The following SLC35F3 variants were observed in gnomAD, a reference collection of about 807,000 sequenced individuals.
SLC35F3 encodes putative thiamine transporter SLC35F3.
SLC35F3 carries 25 observed loss-of-function variants against 49.9 expected under a neutral mutation model. That is an observed-to-expected ratio of 0.50 (90% confidence interval 0.37 to 0.70). The LOEUF (loss-of-function observed/expected upper bound fraction) is 0.70, where lower values mean the gene tolerates loss of function less well. Ranked by LOEUF, SLC35F3 falls within the 30% of genes least tolerant of loss-of-function variation. SLC35F3 has a pLI of 0.00. For synonymous variants in SLC35F3, 275 were observed against 265.4 expected (o/e 1.04, Z -0.35); for missense variants, 525 against 639.8 (o/e 0.82, Z 1.94).
chr1:234,154,635 A>G (rs537022736), intron 2 of SLC35F3, among the ~76,000 whole-genome samples: 8 of 152,216 alleles, frequency 5.3e-5, no homozygotes, highest in South Asian at 4.1e-4. Flanking sequence ...CCTTCCCCCA[A>G]TAGTTTAAAT....
chr1:234,095,741 T>C (rs1665107739), intron 2 of SLC35F3, among the ~76,000 whole-genome samples: 1 of 152,200 alleles, frequency 6.6e-6, no homozygotes. Flanking sequence ...ACTTACTTGC[T>C]GGGGGAACTT....
intron 2 of SLC35F3, among the ~76,000 whole-genome samples, chr1:234,062,667 C>T (rs1408216035): frequency 6.6e-6 from 1 of 151,746 alleles, no homozygotes; most frequent in African/African-American, 2.4e-5. Context: ...TCTTTTCTTT[C>T]ATCCATGAGC....
At chr1:233,949,147 C>G (rs963517520) in intron 2 of SLC35F3, among the ~76,000 whole-genome samples, 8 of 152,052 alleles carry the variant, frequency 5.3e-5, no homozygotes, top group African/African-American at 1.7e-4. Context: ...CTTGTTCTCC[C>G]GTAATCTCAC....
At chr1:234,028,193 G>A (rs1411674447) in intron 2 of SLC35F3, among the ~76,000 whole-genome samples, 2 of 152,118 alleles carry the variant, frequency 1.3e-5, no homozygotes, top group Admixed American at 6.6e-5. Flanking sequence ...AGGCTCCAGG[G>A]CCCATCTTCC....
Position 234,188,968 on chromosome 1 carries a change from G to A in SLC35F3, c.284-42449G>A, listed in dbSNP as rs141335570. ...AGAGAAATAACAATTACTACCGTTCGGCTCTCAGGAAGCCACATCCCTAGG... is the reference window on the plus strand; with the variant it reads ...AGAGAAATAACAATTACTACCGTTCAGCTCTCAGGAAGCCACATCCCTAGG... On this transcript the variant is annotated intron_variant, in intron 2 of 7. Transcript: ENST00000366618. Among the ~76,000 whole-genome samples, 1,025 of 152,120 alleles carry A rather than the reference G, an allele frequency of 6.7e-3. 10 individuals carry two copies. Among genetic ancestry groups the A allele is most frequent in the South Asian group, 0.04 (192 of 4,808 alleles).
rs1664002867 is a variant in SLC35F3 at position 234,027,998 on chromosome 1, T to G, written c.283+122240T>G. On this transcript the variant is annotated intron_variant, in intron 2 of 7. Coordinates refer to ENST00000366618, the MANE Select transcript of SLC35F3 (RefSeq NM_173508.4). The surrounding 1 kb of genome is among the most constrained non-coding windows in gnomAD (Gnocchi z 4.1). Reference sequence around the variant, plus strand: ...TAAAGTATCAAATTTGGCCAGTAAGTAGAAGGAATTAAGTTAATAAATTCG... The same window carrying G: ...TAAAGTATCAAATTTGGCCAGTAAGGAGAAGGAATTAAGTTAATAAATTCG... 6.6e-6 allele frequency among the ~76,000 whole-genome samples: 1 copy of G among 152,018 alleles called. No homozygotes were observed. The highest frequency in any genetic ancestry group is 6.6e-5 in the Admixed American group (1 of 15,264).
intron 2 of SLC35F3, among the ~76,000 whole-genome samples, chr1:233,941,733 T>C (rs986446064): frequency 2.4e-4 from 37 of 152,220 alleles, no homozygotes; most frequent in Admixed American, 6.5e-5. Context: ...AAAATAGTTT[T>C]CATTTGATTA....
intron 2 of SLC35F3, among the ~76,000 whole-genome samples, chr1:233,935,579 G>C (rs1222576356): frequency 1.3e-5 from 2 of 152,022 alleles, no homozygotes; most frequent in Non-Finnish European, 2.9e-5. Context: ...TTTGCTTTCT[G>C]TAAGGGTTGA....
chr1:233,912,158 A>G (rs1396430946), intron 2 of SLC35F3, among the ~76,000 whole-genome samples: 4 of 152,140 alleles, frequency 2.6e-5, no homozygotes, highest in East Asian at 3.8e-4. Context: ...TCCCAGCTTC[A>G]TAGCTATATG....
intron 2 of SLC35F3, among the ~76,000 whole-genome samples, chr1:234,170,731 T>C (rs992255710): frequency 6.6e-5 from 10 of 152,086 alleles, no homozygotes; most frequent in Non-Finnish European, 1.0e-4. Context: ...GCAGAAGAGG[T>C]GACCAGGTTA....
chr1:234,140,546 A>G (rs1018339541), intron 2 of SLC35F3, among the ~76,000 whole-genome samples: 3 of 152,180 alleles, frequency 2.0e-5, no homozygotes, highest in African/African-American at 4.8e-5. Context: ...ACATATCCCC[A>G]TAGATAAGGG....
At chr1:233,946,513 T>G (rs909332271) in intron 2 of SLC35F3, among the ~76,000 whole-genome samples, 3 of 152,236 alleles carry the variant, frequency 2.0e-5, no homozygotes, top group Admixed American at 6.5e-5. Flanking sequence ...GTGAAACAAT[T>G]ACTATTGTCA....
At chr1:234,322,970 C>A (rs778009477) in intron 7 of SLC35F3, 38 bp from the exon 8 acceptor site, 1 of 1,586,196 alleles carries the variant, frequency 6.3e-7, no homozygotes, top group Non-Finnish European at 8.6e-7. Flanking sequence ...TGCCCCCAAC[C>A]CTGCAGCTGA....
chr1:234,094,043 A>G (rs559401272), intron 2 of SLC35F3, among the ~76,000 whole-genome samples: 2 of 152,230 alleles, frequency 1.3e-5, no homozygotes, highest in South Asian at 2.1e-4. Context: ...CATGGCCCAC[A>G]GTCGCTGTGC....
intron 2 of SLC35F3, among the ~76,000 whole-genome samples, chr1:234,145,572 C>T (rs574082879): frequency 3.9e-5 from 6 of 152,048 alleles, no homozygotes; most frequent in South Asian, 2.1e-4. Context: ...CAAAAATATT[C>T]GGGAAAAAAA....
chr1:233,938,288 A>G (rs989846869), intron 2 of SLC35F3, among the ~76,000 whole-genome samples: 5 of 152,130 alleles, frequency 3.3e-5, no homozygotes, highest in African/African-American at 1.2e-4. Context: ...CTAGTTTTCA[A>G]TTTGTCCCTC....
intron 2 of SLC35F3, among the ~76,000 whole-genome samples, chr1:234,036,778 C>T (rs573851469): frequency 2.6e-5 from 4 of 152,228 alleles, no homozygotes; most frequent in Non-Finnish European, 5.9e-5. Flanking sequence ...TTTGCCCTCA[C>T]TTCCAAAGGT....
chr1:233,969,060 T>TGGGG (rs57775031), intron 2 of SLC35F3, among the ~76,000 whole-genome samples: 10 of 145,614 alleles, frequency 6.9e-5, no homozygotes, highest in African/African-American at 2.1e-4. Context: ...TGACATATTT[T>TGGGG]GGGGGGGGGG....
intron 2 of SLC35F3, among the ~76,000 whole-genome samples, chr1:233,907,783 T>A (rs1661800010): frequency 6.6e-6 from 1 of 152,240 alleles, no homozygotes; most frequent in Non-Finnish European, 1.5e-5. Flanking sequence ...TAGAGTGCAG[T>A]GGCATGATCT....
Sources: gnomAD v4.1 joint callset for allele counts (sites outside exome capture counted in the v4.1 genomes callset) on GRCh38, gnomAD v4.1.1 for gene constraint, Gnocchi (gnomAD v3.1) non-coding constraint, MANE v1.5 for transcripts, NCBI Gene and HGNC (gene_info 2026-07-23, HGNC 2026-07-21) for gene names.